CFDP1: variants seen among roughly 807,000 people sequenced by gnomAD.
CFDP1 encodes the protein chromatin remodeling protein CFDP1, also known as heterochromatin-stabilizing protein CFDP1.
A neutral mutation model predicts 40.1 loss-of-function variants in CFDP1; 31 were observed. The observed-to-expected ratio is 0.77, with a 90% CI of 0.58 to 1.04. The LOEUF (loss-of-function observed/expected upper bound fraction) is 1.04. Among genes scored for constraint, CFDP1 ranks in the 50% least tolerant of loss-of-function variants. The pLI, the probability that CFDP1 is intolerant of heterozygous loss-of-function variation, is 0.00. For missense variants in CFDP1, 423 were observed against 343.4 expected, an observed-to-expected ratio of 1.23 and a Z score of -1.83; for synonymous variants, 167 against 120.0, an observed-to-expected ratio of 1.39 and a Z score of -2.56.
At chr16:75,405,471 G>C (rs981101550) in intron 4 of CFDP1, among the ~76,000 whole-genome samples, 3 of 151,860 alleles carry the variant, frequency 2.0e-5, no homozygotes, top group Non-Finnish European at 4.4e-5. Flanking sequence ...CAAGAGGCCT[G>C]GTGTGGTGGC....
rs1397915577 is a variant in CFDP1 at position 75,309,838 on chromosome 16, A to AAAAC, written c.651-4657_651-4656insGTTT. 2.0e-4 allele frequency among the ~76,000 whole-genome samples: 30 copies of AAAAC among 150,854 alleles called. 1 individual carries two copies. Among genetic ancestry groups the AAAAC allele is most frequent in the Non-Finnish European group, 4.1e-4 (28 of 67,606 alleles). ...CCATCTCAAAAAAAAAAAAAAAAAA[A>AAAAC]AAAAAAACCAATCCAGTTCCAGACC... On this transcript the variant is annotated intron_variant, in intron 5 of 6. Coordinates refer to ENST00000283882, the MANE Select transcript of CFDP1 (RefSeq NM_006324.3).
intron 5 of CFDP1, among the ~76,000 whole-genome samples, chr16:75,363,283 A>G (rs549078937): frequency 5.1e-4 from 77 of 152,246 alleles, no homozygotes; most frequent in African/African-American, 1.8e-3. Context: ...AAAAAAAAAA[A>G]AAAAATTTTT....
chr16:75,420,392 T>G (rs2079264698), intron 1 of CFDP1, among the ~76,000 whole-genome samples: 1 of 152,024 alleles, frequency 6.6e-6, no homozygotes, highest in Non-Finnish European at 1.5e-5. Context: ...ATCTAACTTC[T>G]GATTTACAGA....
chr16:75,418,609 A>G (rs2151592957), intron 1 of CFDP1, among the ~76,000 whole-genome samples: 1 of 152,156 alleles, frequency 6.6e-6, no homozygotes, highest in South Asian at 2.1e-4. Context: ...GCGCCCGGCT[A>G]ACCCTTTTTA....
Position 75,412,671 on chromosome 16 carries a change from T to G in CFDP1, c.266A>C (p.Glu89Ala). The G allele has an allele frequency of 1.9e-6, 3 of 1,614,148 alleles. No homozygotes were observed. Among genetic ancestry groups the G allele is most frequent in the Middle Eastern group, 1.6e-4 (1 of 6,062 alleles). ...TTCCTGCTCTGCAGCGTCATCTTCC[T>G]CCTCACTACTGCTTCCCTCAGATTC... ...NSESEGSSSE[E>A]EDDAAEQEKG... Residue 89 changes from glutamate (E) to alanine (A), a missense_variant, in exon 3 of 7, where the codon GAG becomes GCG. Coordinates refer to ENST00000283882, the MANE Select transcript of CFDP1 (RefSeq NM_006324.3).
Position 75,349,690 on chromosome 16 carries a change from A to AATATATATATATATATAT in CFDP1, c.651-44509_651-44508insATATATATATATATATAT, listed in dbSNP as rs67126172. Among the ~76,000 whole-genome samples, 73 of 13,072 alleles carry AATATATATATATATATAT rather than the reference A, an allele frequency of 5.6e-3. 6 individuals are homozygous for AATATATATATATATATAT. Among genetic ancestry groups the AATATATATATATATATAT allele is most frequent in the South Asian group, 7.4e-3 (2 of 272 alleles). The allele number at this position is 13,072 out of a possible 152,430, so 8.6% of individuals were successfully genotyped here. ...AAAAAAAAAAAAAAAAAAAAAAAAAAATATATATACATACATATATACGGT... is the reference window on the plus strand; with the variant it reads ...AAAAAAAAAAAAAAAAAAAAAAAAAAATATATATATATATATATATATATATACATACATATATACGGT... On this transcript the variant is annotated intron_variant, in intron 5 of 6. Transcript: ENST00000283882.
intron 5 of CFDP1, among the ~76,000 whole-genome samples, chr16:75,348,348 C>A (rs2078584902): frequency 6.6e-6 from 1 of 152,186 alleles, no homozygotes; most frequent in South Asian, 2.1e-4. Flanking sequence ...AAGATGTCAG[C>A]ATTAGAAGAA....
chr16:75,409,215 C>G (rs1361467911), intron 4 of CFDP1: 1 of 152,198 alleles, frequency 6.6e-6, no homozygotes, highest in Non-Finnish European at 1.5e-5. Flanking sequence ...TATATTAACA[C>G]TTCCAATGAA....
chr16:75,355,799 T>C (rs538487920), intron 5 of CFDP1, among the ~76,000 whole-genome samples: 54 of 152,294 alleles, frequency 3.5e-4, no homozygotes, highest in African/African-American at 1.3e-3. Context: ...TGTGAAGAGG[T>C]GCCTTCCGCC....
chr16:75,352,369 C>A (rs1198011723), intron 5 of CFDP1, among the ~76,000 whole-genome samples: 1 of 151,458 alleles, frequency 6.6e-6, no homozygotes, highest in Admixed American at 6.6e-5. Context: ...AAATTAAAAA[C>A]CAACAAAAAG....
intron 5 of CFDP1, chr16:75,363,115 C>T (rs192038016): frequency 6.6e-6 from 1 of 152,060 alleles, no homozygotes; most frequent in East Asian, 1.9e-4. Context: ...TAGTACAACG[C>T]TCTTTACTCT....
chr16:75,297,918 T>A lies in CFDP1; in HGVS notation c.810-3876A>T, dbSNP rs114034882. The stretch of plus-strand genomic sequence containing the variant: ...GTAGAAAATGCTACTAGGGAACATG[T>A]CAGTACAAGGCGAGCATCCCAAATC... On this transcript the variant is annotated intron_variant, in intron 6 of 6. Coordinates refer to ENST00000283882, the MANE Select transcript of CFDP1 (RefSeq NM_006324.3). Among the ~76,000 whole-genome samples, 641 of 152,262 alleles carry A rather than the reference T, an allele frequency of 4.2e-3. 6 individuals are homozygous for A. The highest frequency in any genetic ancestry group is 0.014 in the African/African-American group (599 of 41,550).
chr16:75,410,667 G>A (rs2079152256), intron 4 of CFDP1, among the ~76,000 whole-genome samples: 1 of 151,954 alleles, frequency 6.6e-6, no homozygotes, highest in Non-Finnish European at 1.5e-5. Flanking sequence ...CCAGCACTTT[G>A]GGAGGCCGAG....
intron 4 of CFDP1, chr16:75,409,499 T>TATAGGTA (rs1411141327): frequency 6.6e-6 from 1 of 152,234 alleles, no homozygotes; most frequent in East Asian, 1.9e-4. Context: ...ATATTTGTTT[T>TATAGGTA]TCTAGTAATT....
chr16:75,401,685 C>G (rs2079055962), intron 4 of CFDP1, among the ~76,000 whole-genome samples: 1 of 152,072 alleles, frequency 6.6e-6, no homozygotes, highest in Admixed American at 6.6e-5. Flanking sequence ...ATCAAATGGC[C>G]TAAGTGATAG....
chr16:75,322,695 A>G (rs1327168294), intron 5 of CFDP1, among the ~76,000 whole-genome samples: 1 of 152,172 alleles, frequency 6.6e-6, no homozygotes, highest in Non-Finnish European at 1.5e-5. Flanking sequence ...CATGACACTC[A>G]AAGGAGCATT....
chr16:75,402,763 G>GT (rs1435562212), intron 4 of CFDP1, among the ~76,000 whole-genome samples: 1 of 152,032 alleles, frequency 6.6e-6, no homozygotes, highest in Non-Finnish European at 1.5e-5. Context: ...TTCAGATCTC[G>GT]TAAGTCCCCT....
At chr16:75,392,588 C>T (rs1017509476) in intron 5 of CFDP1, among the ~76,000 whole-genome samples, 8 of 152,186 alleles carry the variant, frequency 5.3e-5, no homozygotes, top group Non-Finnish European at 7.3e-5. Flanking sequence ...ACCTCTGCCT[C>T]CTGGGTTCAA....
intron 4 of CFDP1, among the ~76,000 whole-genome samples, chr16:75,408,321 A>G (rs1297440920): frequency 6.6e-6 from 1 of 152,112 alleles, no homozygotes; most frequent in Non-Finnish European, 1.5e-5. Flanking sequence ...TAAAAAAAAA[A>G]TCTGTGTGAA....
Sources: gnomAD v4.1 joint callset for allele counts (sites outside exome capture counted in the v4.1 genomes callset) on GRCh38, gnomAD v4.1.1 for gene constraint, MANE v1.5 for transcripts, NCBI Gene and HGNC (gene_info 2026-07-23, HGNC 2026-07-21) for gene names.